VTA1: variants seen among roughly 807,000 people sequenced by gnomAD.
VTA1 encodes vacuolar protein sorting-associated protein VTA1 homolog.
A neutral mutation model predicts 36.9 loss-of-function variants in VTA1; 24 were observed. The ratio of observed to expected loss-of-function variants is 0.65; its 90% CI spans 0.47 to 0.91. The LOEUF (loss-of-function observed/expected upper bound fraction) is 0.91, where lower values mean the gene tolerates loss of function less well. Among genes scored for constraint, VTA1 ranks in the 40% least tolerant of loss-of-function variants. The pLI, the probability that VTA1 is intolerant of heterozygous loss-of-function variation, is 0.00. For synonymous variants in VTA1, 142 were observed against 130.2 expected, an observed-to-expected ratio of 1.09 and a Z score of -0.62; for missense variants, 393 against 377.2, an observed-to-expected ratio of 1.04 and a Z score of -0.35.
intron 7 of VTA1, among the ~76,000 whole-genome samples, chr6:142,209,339 G>A (rs1775855222): frequency 6.6e-6 from 1 of 151,612 alleles, no homozygotes; most frequent in Non-Finnish European, 1.5e-5. Flanking sequence ...AACTAAAGAA[G>A]TTAGTTATTA....
intron 4 of VTA1, among the ~76,000 whole-genome samples, chr6:142,171,362 T>G (rs1775026493): frequency 1.3e-5 from 2 of 152,344 alleles, no homozygotes; most frequent in Admixed American, 1.3e-4. Context: ...CCCAAAGTGC[T>G]GGGATTACAG....
At chr6:142,194,439 G>A (rs185238733) in intron 5 of VTA1, among the ~76,000 whole-genome samples, 64 of 152,088 alleles carry the variant, frequency 4.2e-4, no homozygotes, top group Middle Eastern at 3.4e-3. Flanking sequence ...TCTTTCAGCG[G>A]TATTTTAGAT....
At chr6:142,198,822 A>C in intron 6 of VTA1, 1 of 436,088 alleles carries the variant, frequency 2.3e-6, no homozygotes, top group South Asian at 4.3e-5. Context: ...GACAAGTATT[A>C]TGTGCATTGA....
intron 2 of VTA1, among the ~76,000 whole-genome samples, chr6:142,167,939 A>G (rs1000454037): frequency 2.6e-5 from 4 of 152,202 alleles, no homozygotes; most frequent in African/African-American, 7.2e-5. Context: ...ACTGTATAGC[A>G]GTAGTAGCTC....
chr6:142,167,811 T>G (rs1774950628), intron 2 of VTA1, among the ~76,000 whole-genome samples: 1 of 152,228 alleles, frequency 6.6e-6, no homozygotes, highest in Non-Finnish European at 1.5e-5. Flanking sequence ...TAAATTTGAG[T>G]ACTCTCTTTC....
chr6:142,166,205 A>G, intron 1 of VTA1, 23 bp from the exon 2 acceptor site: 2 of 1,535,208 alleles, frequency 1.3e-6, no homozygotes, highest in African/African-American at 1.4e-5. Flanking sequence ...AAATTGTTCA[A>G]ATTATCTTAC....
At position 142,147,271 on chromosome 6, in the gene VTA1, G is replaced by A; in HGVS notation, c.-17G>A. On this transcript the variant is annotated 5_prime_UTR_variant, in exon 1 of 8. The change creates a new upstream start codon in the 5' untranslated region. Transcript: ENST00000367630. Reference sequence around the variant, plus strand: ...GCCGGTGGAGCGCGAGTAGGAAGTGGTGAGTTCGGAGTAGAGATGGCCGCG... The same window carrying A: ...GCCGGTGGAGCGCGAGTAGGAAGTGATGAGTTCGGAGTAGAGATGGCCGCG... The A allele has an allele frequency of 6.2e-7, 1 of 1,613,916 alleles. No homozygotes were observed. The highest frequency in any genetic ancestry group is 8.5e-7 in the Non-Finnish European group (1 of 1,179,862).
chr6:142,196,589 C>A (rs1775556609), intron 5 of VTA1, among the ~76,000 whole-genome samples: 1 of 151,820 alleles, frequency 6.6e-6, no homozygotes, highest in African/African-American at 2.4e-5. Context: ...ACAGTTTTTC[C>A]CCCCTCTGGT....
chr6:142,186,571 G>A (rs1187929549), intron 4 of VTA1, among the ~76,000 whole-genome samples: 2 of 152,030 alleles, frequency 1.3e-5, no homozygotes, highest in Non-Finnish European at 2.9e-5. Context: ...AGGGAGTGGG[G>A]GGAGAGGCAA....
At chr6:142,181,915 GA>G (rs1775248908) in intron 4 of VTA1, among the ~76,000 whole-genome samples, 1 of 152,160 alleles carries the variant, frequency 6.6e-6, no homozygotes, top group South Asian at 2.1e-4. Flanking sequence ...TGTAATCTGT[GA>G]CTATAAATAT....
chr6:142,153,150 T>C (rs1042000457), intron 1 of VTA1, among the ~76,000 whole-genome samples: 1 of 152,080 alleles, frequency 6.6e-6, no homozygotes, highest in Non-Finnish European at 1.5e-5. Context: ...AAATGGAATT[T>C]ACAAATTCTT....
At chr6:142,213,825 T>C (rs1396145843) in intron 7 of VTA1, among the ~76,000 whole-genome samples, 1 of 152,162 alleles carries the variant, frequency 6.6e-6, no homozygotes, top group Non-Finnish European at 1.5e-5. Flanking sequence ...TGTATCTGGC[T>C]CATGGAACCA....
chr6:142,195,603 T>G (rs867342411), intron 5 of VTA1, among the ~76,000 whole-genome samples: 1,907 of 149,012 alleles, frequency 0.013, 57 homozygotes, highest in African/African-American at 0.043. Flanking sequence ...TGCTTTTTTT[T>G]TTTTTTTTTT....
intron 7 of VTA1, among the ~76,000 whole-genome samples, chr6:142,204,619 T>C (rs115232264): frequency 0.017 from 2,525 of 152,036 alleles, 73 homozygotes; most frequent in African/African-American, 0.057. Context: ...TTCAGACTTT[T>C]GTTTTCTTCA....
At chr6:142,214,997 A>G (rs1395370498) in intron 7 of VTA1, among the ~76,000 whole-genome samples, 2 of 152,180 alleles carry the variant, frequency 1.3e-5, no homozygotes, top group East Asian at 3.9e-4. Context: ...GTGTGATATT[A>G]ATGTATATTA....
At chr6:142,157,275 G>A (rs1305007280) in intron 1 of VTA1, among the ~76,000 whole-genome samples, 1 of 152,230 alleles carries the variant, frequency 6.6e-6, no homozygotes, top group Non-Finnish European at 1.5e-5. Flanking sequence ...ATAAAGAGAA[G>A]CAGTTCCTTT....
At chr6:142,203,396 T>C (rs1477225135) in intron 6 of VTA1, among the ~76,000 whole-genome samples, 1 of 152,094 alleles carries the variant, frequency 6.6e-6, no homozygotes, top group African/African-American at 2.4e-5. Flanking sequence ...TTAACACTTT[T>C]TGTTAGTTTT....
At chr6:142,169,444 A>G (rs1774987126) in intron 2 of VTA1, 106 bp from the exon 3 acceptor site, 1 of 1,255,248 alleles carries the variant, frequency 8.0e-7, no homozygotes. Flanking sequence ...TTTTATTGAA[A>G]TGAATGTAAA....
At chr6:142,215,424 G>C (rs1163780539) in intron 7 of VTA1, among the ~76,000 whole-genome samples, 1 of 140,958 alleles carries the variant, frequency 7.1e-6, no homozygotes, top group Non-Finnish European at 1.5e-5. Flanking sequence ...CTGGGCGACA[G>C]AGTGAGACTC....
Sources: gnomAD v4.1 joint callset for allele counts (sites outside exome capture counted in the v4.1 genomes callset) on GRCh38, gnomAD v4.1.1 for gene constraint, MANE v1.5 for transcripts, NCBI Gene and HGNC (gene_info 2026-07-23, HGNC 2026-07-21) for gene names.